Variants in NAA40 observed in about 807,000 individuals in gnomAD.
NAA40 encodes N-alpha-acetyltransferase 40.
Under a neutral mutation model 36.6 loss-of-function variants are expected in NAA40, and 26 were observed. The observed-to-expected ratio is 0.71, with a 90% CI of 0.52 to 0.98. NAA40 has a LOEUF of 0.98. Among genes scored for constraint, NAA40 ranks in the 50% least tolerant of loss-of-function variants. The probability of loss-of-function intolerance (pLI) is 0.00; values close to 1 mark genes in which losing one functional copy is unlikely to be tolerated. For missense variants in NAA40, 237 were observed against 306.5 expected, an observed-to-expected ratio of 0.77 and a Z score of 1.69; for synonymous variants, 129 against 108.4, an observed-to-expected ratio of 1.19 and a Z score of -1.18.
In NAA40 at chr11:63,955,314, CTCG is replaced by C. The variant is rs1362885220; in HGVS notation, c.*840_*842del. On this transcript the variant is annotated 3_prime_UTR_variant, in exon 8 of 8. Coordinates refer to ENST00000377793, the MANE Select transcript of NAA40 (RefSeq NM_024771.4). Reference sequence around the variant, plus strand: ...TTCTGCTTGTTCTTGTCTGCCAGCCCTCGTCGTTCTTTCTCCTCTGCCTCTCAC... The same window carrying C: ...TTCTGCTTGTTCTTGTCTGCCAGCCCTCGTTCTTTCTCCTCTGCCTCTCAC... The C allele has an allele frequency of 3.3e-5, 5 of 152,650 alleles. No homozygotes were observed. The highest frequency in any genetic ancestry group is 2.0e-4 in the Admixed American group (3 of 15,292). 9.5% of individuals were successfully genotyped at this position (152,650 alleles called of 1,614,324 possible).
chr11:63,947,066 A>C, intron 3 of NAA40, 63 bp downstream of exon 3: 1 of 1,493,066 alleles, frequency 6.7e-7, no homozygotes, highest in Non-Finnish European at 9.3e-7. Flanking sequence ...TTCCCTTTCC[A>C]GAGTAGGCTT....
chr11:63,954,421 A>G lies in NAA40; in HGVS notation c.656A>G (p.Lys219Arg), dbSNP rs932094967. Residue 219 changes from lysine to arginine, a missense_variant, in exon 8 of 8, where the codon AAG becomes AGG. Physicochemically the swap from Lys to Arg is conservative, Grantham distance 26. Coordinates refer to ENST00000377793, the MANE Select transcript of NAA40 (RefSeq NM_024771.4). ...TATGAGATCCTGAGCCGGAGGACCA[A>G]GTTTGGGGACAGCCATCACTCCCAC... ...CSYEILSRRT[K>R]FGDSHHSHAG... is the part of the protein sequence containing the mutation. The G allele has an allele frequency of 6.2e-7, 1 of 1,612,666 alleles. No homozygotes were observed. Among genetic ancestry groups the G allele is most frequent in the Non-Finnish European group, 8.5e-7 (1 of 1,179,410 alleles).
chr11:63,946,328 C>T (rs763079509), intron 2 of NAA40: 4 of 249,082 alleles, frequency 1.6e-5, no homozygotes, highest in Admixed American at 5.0e-5. Context: ...ATCCTCCCAC[C>T]TCAGCCTCTC....
intron 1 of NAA40, among the ~76,000 whole-genome samples, chr11:63,943,373 A>G (rs528204217): frequency 7.9e-5 from 12 of 152,320 alleles, no homozygotes; most frequent in African/African-American, 2.6e-4. Context: ...CAGCCAGGCA[A>G]TGAGAAAGGA....
chr11:63,939,055 G>T lies in NAA40; in HGVS notation c.-42G>T. ...CCACCGCCGTTGCCGCCTCCCTGCC[G>T]GCAAGTGTGTGAAGAAGAAGCTGAG... is the stretch of plus-strand genomic sequence containing the variant. On this transcript the variant is annotated 5_prime_UTR_variant, in exon 1 of 8. Coordinates refer to ENST00000377793, the MANE Select transcript of NAA40 (RefSeq NM_024771.4). 1 of 1,597,458 alleles carries T rather than the reference G, an allele frequency of 6.3e-7. No homozygotes were observed. Among genetic ancestry groups the T allele is most frequent in the African/African-American group, 1.4e-5 (1 of 71,350 alleles).
At chr11:63,943,803 A>G (rs916884563) in intron 1 of NAA40, among the ~76,000 whole-genome samples, 8 of 152,184 alleles carry the variant, frequency 5.3e-5, no homozygotes, top group Non-Finnish European at 7.3e-5. Flanking sequence ...TCTAAAAAAA[A>G]TAAAGAAAAA....
At chr11:63,944,587 G>A (rs931585267) in intron 1 of NAA40, among the ~76,000 whole-genome samples, 9 of 152,136 alleles carry the variant, frequency 5.9e-5, no homozygotes, top group African/African-American at 1.9e-4. Context: ...TCCTAGCACT[G>A]CAGAGGGTGG....
At chr11:63,939,314 A>AC in intron 1 of NAA40, 1 of 1,196,416 alleles carries the variant, frequency 8.4e-7, no homozygotes, top group Non-Finnish European at 1.0e-6. Flanking sequence ...CCGGGGCCCC[A>AC]CCCCCTCGGC....
chr11:63,942,875 A>G (rs905123154), intron 1 of NAA40, among the ~76,000 whole-genome samples: 1 of 152,156 alleles, frequency 6.6e-6, no homozygotes, highest in African/African-American at 2.4e-5. Context: ...CCAGGTCTAC[A>G]TGAATGAGCC....
Position 63,954,294 on chromosome 11 carries a change from C to T in NAA40, c.573-44C>T, listed in dbSNP as rs773904061. On this transcript the variant is annotated intron_variant, in intron 7 of 7. Coordinates refer to ENST00000377793, the MANE Select transcript of NAA40 (RefSeq NM_024771.4). Reference sequence around the variant, plus strand: ...AGTTCTCGGGCCAGGGAGGAAGGCACTCAGCTGCCTGCCACCAACCCTTTT... The same window carrying T: ...AGTTCTCGGGCCAGGGAGGAAGGCATTCAGCTGCCTGCCACCAACCCTTTT... 3.9e-6 allele frequency: 6 copies of T among 1,548,554 alleles called. No homozygotes were observed. The East Asian group carries it at 6.8e-5, about 18-fold the overall frequency.
At chr11:63,940,421 C>T (rs1942089985) in intron 1 of NAA40, among the ~76,000 whole-genome samples, 1 of 152,206 alleles carries the variant, frequency 6.6e-6, no homozygotes, top group Non-Finnish European at 1.5e-5. Flanking sequence ...ACCTCACTTC[C>T]AGCCCCGTCT....
chr11:63,952,467 C>T lies in NAA40; in HGVS notation c.312C>T (p.Asp104=). 9 of 1,614,156 alleles carry T rather than the reference C, an allele frequency of 5.6e-6. No homozygotes were observed. Among genetic ancestry groups the T allele is most frequent in the Non-Finnish European group, 7.6e-6 (9 of 1,180,026 alleles). Residue 104 remains aspartate (D), a synonymous_variant, in exon 5 of 8, where the codon GAC becomes GAT. Transcript: ENST00000377793. The stretch of plus-strand genomic sequence containing the variant: ...AGAAACGGGAGGAAATGACAGATGA[C>T]CGAGCCTGGTACCTCATCGCGTGGG... The part of the protein sequence containing the change: ...DREKREEMTD[D]RAWYLIAWEN...
intron 1 of NAA40, chr11:63,939,319 C>G (rs1942068415): frequency 2.4e-6 from 3 of 1,264,504 alleles, no homozygotes; most frequent in Middle Eastern, 3.0e-4. Flanking sequence ...GCCCCACCCC[C>G]TCGGCGCCCC....
chr11:63,946,301 C>T, intron 2 of NAA40: 1 of 249,900 alleles, frequency 4.0e-6, no homozygotes, highest in Non-Finnish European at 7.9e-6. Flanking sequence ...GCAGCCTCTG[C>T]CGCCTGGGCC....
chr11:63,953,045 C>CTTTTTT (rs34261976), intron 6 of NAA40, among the ~76,000 whole-genome samples: 1,723 of 106,762 alleles, frequency 0.016, 100 homozygotes, highest in African/African-American at 0.06. Flanking sequence ...CAGTGAACAT[C>CTTTTTT]TTTTTTTTTT....
chr11:63,948,344 CT>C (rs1419694657), intron 3 of NAA40, among the ~76,000 whole-genome samples: 1 of 152,174 alleles, frequency 6.6e-6, no homozygotes, highest in Non-Finnish European at 1.5e-5. Flanking sequence ...ATCTAGTGCT[CT>C]TTCCCTGAGT....
chr11:63,946,183 T>C, intron 2 of NAA40: 1 of 522,088 alleles, frequency 1.9e-6, no homozygotes, highest in Non-Finnish European at 3.4e-6. Flanking sequence ...TTCTTCCTTA[T>C]GAATAGAGGA....
At chr11:63,949,834 T>C (rs1482896256) in intron 3 of NAA40, among the ~76,000 whole-genome samples, 1 of 140,230 alleles carries the variant, frequency 7.1e-6, no homozygotes, top group African/African-American at 2.6e-5. Context: ...AAGCTCAGCC[T>C]CCCGGATTCA....
In NAA40 at chr11:63,956,671, G is replaced by C. The variant is rs1171982948; in HGVS notation, c.*2192G>C. The C allele has an allele frequency of 6.6e-6, 1 of 152,634 alleles. No individual in the cohort carries two copies. Among genetic ancestry groups the C allele is most frequent in the Non-Finnish European group, 1.5e-5 (1 of 68,082 alleles). 9.5% of individuals were successfully genotyped at this position (152,634 alleles called of 1,614,324 possible). ...TCTTTCTCCACTTCCCCCAGGTCTT[G>C]GTTTTGAGAAACAGCAGGCATGGCT... On this transcript the variant is annotated 3_prime_UTR_variant, in exon 8 of 8. Transcript: ENST00000377793.
Sources: gnomAD v4.1 joint callset for allele counts (sites outside exome capture counted in the v4.1 genomes callset) on GRCh38, gnomAD v4.1.1 for gene constraint, MANE v1.5 for transcripts, NCBI Gene and HGNC (gene_info 2026-07-23, HGNC 2026-07-21) for gene names.